Variants in CDH4 observed in about 807,000 individuals in gnomAD.
The protein encoded by CDH4 is cadherin-4.
CDH4 carries 33 observed loss-of-function variants against 86.0 expected under a neutral mutation model. The observed-to-expected ratio is 0.38, with a 90% CI of 0.29 to 0.51. The LOEUF is 0.51. CDH4 is among the 20% of genes least tolerant of loss of function. The pLI is 0.86. For missense variants in CDH4, 1,114 were observed against 1,307.4 expected, an observed-to-expected ratio of 0.85 and a Z score of 2.28; for synonymous variants, 555 against 549.4, an observed-to-expected ratio of 1.01 and a Z score of -0.14.
chr20:61,326,922 A>G (rs758808566), intron 2 of CDH4, among the ~76,000 whole-genome samples: 5 of 152,114 alleles, frequency 3.3e-5, no homozygotes, highest in South Asian at 2.1e-4. Flanking sequence ...TGAAATAACT[A>G]TTTTCAGTAC....
chr20:61,856,130 A>G (rs1982989059), intron 6 of CDH4, among the ~76,000 whole-genome samples: 1 of 152,184 alleles, frequency 6.6e-6, no homozygotes, highest in Non-Finnish European at 1.5e-5. Flanking sequence ...TTACAATAAT[A>G]GAAGGGTTCT....
chr20:61,284,233 G>A (rs1001733793), intron 2 of CDH4, among the ~76,000 whole-genome samples: 1 of 151,852 alleles, frequency 6.6e-6, no homozygotes, highest in Non-Finnish European at 1.5e-5. Flanking sequence ...GAGAATGCTT[G>A]AACCCGGGAG....
intron 4 of CDH4, among the ~76,000 whole-genome samples, chr20:61,837,097 G>A (rs933847651): frequency 5.3e-5 from 8 of 152,246 alleles, no homozygotes; most frequent in Non-Finnish European, 2.9e-5. Flanking sequence ...GGAGACTGAG[G>A]TGGGAGGATC....
rs575018673 is a variant in CDH4 at position 61,269,991 on chromosome 20, T to C, written c.169+15054T>C. Among the ~76,000 whole-genome samples the C allele has an allele frequency of 1.4e-3, 214 of 152,344 alleles. No individual in the cohort carries two copies. Among genetic ancestry groups the C allele is most frequent in the Non-Finnish European group, 2.4e-3 (162 of 68,042 alleles). On this transcript the variant is annotated intron_variant, in intron 2 of 15. Coordinates refer to ENST00000614565, the MANE Select transcript of CDH4 (RefSeq NM_001794.5). The surrounding 1 kb of genome is among the most constrained non-coding windows in gnomAD (Gnocchi z 5.3). The stretch of plus-strand genomic sequence containing the variant: ...GACCTTTGCGGCAGTCATTTTTCCA[T>C]CAGAAGGTGGCTTGATTTGATGGGT...
In CDH4 at chr20:61,708,389, G is replaced by C. The variant is rs985777661; in HGVS notation, c.170-35174G>C. 4.2e-4 allele frequency among the ~76,000 whole-genome samples: 64 copies of C among 152,016 alleles called. No homozygotes were observed. The highest frequency in any genetic ancestry group is 1.5e-3 in the African/African-American group (61 of 41,442). On this transcript the variant is annotated intron_variant, in intron 2 of 15. Coordinates refer to ENST00000614565, the MANE Select transcript of CDH4 (RefSeq NM_001794.5). The surrounding 1 kb of genome is among the most constrained non-coding windows in gnomAD (Gnocchi z 4.5). ...GCACCACCCTCCACTCTCCACGTTGGCTGCCTCAGTCTGGGTCACAGACAC... is the reference window on the plus strand; with the variant it reads ...GCACCACCCTCCACTCTCCACGTTGCCTGCCTCAGTCTGGGTCACAGACAC...
chr20:61,511,487 A>G (rs772248603), intron 2 of CDH4, among the ~76,000 whole-genome samples: 22 of 152,260 alleles, frequency 1.4e-4, no homozygotes, highest in Non-Finnish European at 2.9e-5. Context: ...CAGTAGACTC[A>G]GAGATGCCCT....
intron 4 of CDH4, among the ~76,000 whole-genome samples, chr20:61,814,469 C>T (rs138849324): frequency 1.2e-4 from 18 of 152,320 alleles, no homozygotes; most frequent in Admixed American, 3.9e-4. Context: ...CCTGCAGACC[C>T]AGCCCCTCAC....
intron 2 of CDH4, among the ~76,000 whole-genome samples, chr20:61,635,181 G>A (rs1188376023): frequency 1.3e-5 from 2 of 151,378 alleles, no homozygotes; most frequent in Admixed American, 6.6e-5. Context: ...GGACCCGGCA[G>A]TAACTCTAGG....
intron 3 of CDH4, among the ~76,000 whole-genome samples, chr20:61,757,249 C>T (rs1010431624): frequency 1.3e-5 from 2 of 152,196 alleles, no homozygotes; most frequent in African/African-American, 4.8e-5. Context: ...CCCCCAGCCC[C>T]CTCCAGGGGG....
At chr20:61,397,888 C>T (rs1192480153) in intron 2 of CDH4, among the ~76,000 whole-genome samples, 3 of 151,968 alleles carry the variant, frequency 2.0e-5, no homozygotes, top group Admixed American at 6.6e-5. Context: ...AACGCTTGGC[C>T]GTATCGCAGC....
At chr20:61,712,616 G>T (rs924649697) in intron 2 of CDH4, among the ~76,000 whole-genome samples, 2 of 152,126 alleles carry the variant, frequency 1.3e-5, no homozygotes, top group African/African-American at 2.4e-5. Flanking sequence ...AATAACTGTG[G>T]TGCAAAAAAC....
At chr20:61,341,461 A>G (rs1239767260) in intron 2 of CDH4, among the ~76,000 whole-genome samples, 3 of 152,050 alleles carry the variant, frequency 2.0e-5, no homozygotes, top group South Asian at 2.1e-4. Flanking sequence ...CCAAAAAAGT[A>G]GCATTACCTT....
At chr20:61,502,728 G>A (rs1048329161) in intron 2 of CDH4, among the ~76,000 whole-genome samples, 4 of 152,184 alleles carry the variant, frequency 2.6e-5, no homozygotes, top group Non-Finnish European at 5.9e-5. Context: ...TCACGAAGGA[G>A]AAACTGCCGT....
intron 8 of CDH4, among the ~76,000 whole-genome samples, chr20:61,908,617 C>CA (rs2054817465): frequency 2.0e-5 from 3 of 152,164 alleles, no homozygotes; most frequent in African/African-American, 7.2e-5. Context: ...CCGTTTCCCA[C>CA]CCCTTCTCCG....
chr20:61,884,722 C>G (rs548064380), intron 7 of CDH4, among the ~76,000 whole-genome samples: 1 of 152,112 alleles, frequency 6.6e-6, no homozygotes, highest in Admixed American at 6.5e-5. Context: ...CCTGGGTGCC[C>G]GGGAAATTCA....
chr20:61,424,138 G>A (rs563370825), intron 2 of CDH4, among the ~76,000 whole-genome samples: 3 of 149,250 alleles, frequency 2.0e-5, no homozygotes, highest in African/African-American at 7.5e-5. Context: ...TCCACACACA[G>A]CACACATGTA....
chr20:61,927,463 G>A (rs1471827857), intron 11 of CDH4, among the ~76,000 whole-genome samples: 1 of 152,204 alleles, frequency 6.6e-6, no homozygotes, highest in African/African-American at 2.4e-5. Flanking sequence ...GCCGGGCCAG[G>A]AGGGAGCTTC....
At chr20:61,934,717 G>GCCCCC (rs200122965) in intron 15 of CDH4, among the ~76,000 whole-genome samples, 5 of 148,798 alleles carry the variant, frequency 3.4e-5, no homozygotes, top group African/African-American at 7.7e-5. Flanking sequence ...AGGCCAACTT[G>GCCCCC]CCCCCCCTCC....
chr20:61,906,401 A>C (rs894639305), intron 8 of CDH4, among the ~76,000 whole-genome samples: 9 of 152,234 alleles, frequency 5.9e-5, no homozygotes, highest in African/African-American at 1.9e-4. Context: ...CATCCCACCA[A>C]GCCCTTAAGG....
Sources: gnomAD v4.1 joint callset for allele counts (sites outside exome capture counted in the v4.1 genomes callset) on GRCh38, gnomAD v4.1.1 for gene constraint, Gnocchi (gnomAD v3.1) non-coding constraint, MANE v1.5 for transcripts, NCBI Gene and HGNC (gene_info 2026-07-23, HGNC 2026-07-21) for gene names.